ZNF730: variants seen among roughly 807,000 people sequenced by gnomAD.
The protein encoded by ZNF730 is putative zinc finger protein 730.
A neutral mutation model predicts 12.6 loss-of-function variants in ZNF730; 12 were observed. That is an observed-to-expected ratio of 0.95 (90% CI 0.61 to 1.54). The LOEUF (loss-of-function observed/expected upper bound fraction) is 1.54, where lower values mean the gene tolerates loss of function less well. ZNF730 is among the 40% of genes most tolerant of loss of function. ZNF730 has a pLI of 0.00. For synonymous variants in ZNF730, 194 were observed against 195.8 expected (o/e 0.99, Z 0.08); for missense variants, 643 against 583.5 (o/e 1.10, Z -1.05).
Position 23,118,379 on chromosome 19 carries a change from G to GT in ZNF730, c.3+1210dup, listed in dbSNP as rs1456805364. ...AGTTTGTTTTTTGTTTTTTTTTTTT[G>GT]TTTTTTTAATTTTTATGGGATGATG... On this transcript the variant is annotated intron_variant, in intron 1 of 3. Transcript: ENST00000597761. Among the ~76,000 whole-genome samples, 34 of 121,042 alleles carry GT rather than the reference G, an allele frequency of 2.8e-4. No individual in the cohort carries two copies. In the South Asian group the frequency reaches 5.3e-3, roughly 19 times the overall value. The allele number at this position is 121,042 out of a possible 152,430, so 79.4% of individuals were successfully genotyped here.
chr19:23,114,170 T>C (rs1970486820), upstream of ZNF730, among the ~76,000 whole-genome samples: 1 of 152,212 alleles, frequency 6.6e-6, no homozygotes, highest in Non-Finnish European at 1.5e-5. Context: ...CATAAATCTT[T>C]CACCATCATG....
upstream of ZNF730, among the ~76,000 whole-genome samples, chr19:23,115,545 C>T (rs1194290550): frequency 6.6e-6 from 1 of 152,144 alleles, no homozygotes; most frequent in East Asian, 1.9e-4. Context: ...GGCCTAGGCT[C>T]AAATGGTCTT....
Position 23,145,313 on chromosome 19 carries a change from G to T in ZNF730, c.269G>T (p.Gly90Val), listed in dbSNP as rs760616927. The change falls in exon 4 of 4, where the codon GGC becomes GTC. Residue 90 changes from glycine to valine, a missense_variant. Coordinates refer to ENST00000597761, the MANE Select transcript of ZNF730 (RefSeq NM_001277403.2). ...GCCCAAGACCTTTGGCCAGAGCAAG[G>T]CATAAAAGATTATTTCCAAGAAGTC... Reference protein sequence around the residue: ...HIAQDLWPEQGIKDYFQEVIL... With the variant: ...HIAQDLWPEQVIKDYFQEVIL... The T allele has an allele frequency of 5.7e-6, 9 of 1,584,236 alleles. No individual in the cohort carries two copies. Among genetic ancestry groups the T allele is most frequent in the East Asian group, 2.2e-5 (1 of 44,458 alleles).
At chr19:23,089,757 G>C in intron 1 of ZNF730, among the ~76,000 whole-genome samples, 1 of 152,082 alleles carries the variant, frequency 6.6e-6, no homozygotes, top group Non-Finnish European at 1.5e-5. Flanking sequence ...CAGTAAATTG[G>C]TACCAGTAGA....
chr19:23,095,609 G>GT, intron 1 of ZNF730: 1 of 394,396 alleles, frequency 2.5e-6, no homozygotes. Flanking sequence ...TCATTCTTTA[G>GT]TTTTGGCACT....
At chr19:23,087,497 GGAGCTTATGGGCT>G (rs1247785734) in intron 1 of ZNF730, among the ~76,000 whole-genome samples, 3 of 152,162 alleles carry the variant, frequency 2.0e-5, no homozygotes, top group Admixed American at 2.0e-4. Flanking sequence ...ATCAGCTTAA[GGAGCTTATGGGCT>G]GAGATTATGG....
chr19:23,105,118 CT>C (rs1007819236), intron 1 of ZNF730, among the ~76,000 whole-genome samples: 125 of 87,656 alleles, frequency 1.4e-3, no homozygotes, highest in Middle Eastern at 6.2e-3. Context: ...TTTTTCTTTT[CT>C]TTTTTTTTTT....
chr19:23,145,647 C>T lies in ZNF730; in HGVS notation c.603C>T (p.Tyr201=), dbSNP rs1357995869. The T allele has an allele frequency of 8.4e-6, 13 of 1,553,392 alleles. No homozygotes were observed. The highest frequency in any genetic ancestry group is 2.7e-5 in the African/African-American group (2 of 72,856). The change falls in exon 4 of 4, where the codon TAC becomes TAT. Residue 201 remains tyrosine, a synonymous_variant. Transcript: ENST00000597761. ...AAATTCATACTGGAGAGAAATCCTA[C>T]AAATGTGAAGAATATGGCAAAGCCT... is the stretch of plus-strand genomic sequence containing the variant. ...HKKIHTGEKS[Y]KCEEYGKAFN...
intron 1 of ZNF730, among the ~76,000 whole-genome samples, chr19:23,089,457 C>G (rs1257320490): frequency 1.3e-5 from 2 of 151,972 alleles, no homozygotes; most frequent in Non-Finnish European, 2.9e-5. Flanking sequence ...CCAGAATTCC[C>G]ATGTGTTATG....
chr19:23,081,965 T>G (rs1189283595), intron 1 of ZNF730, among the ~76,000 whole-genome samples: 1 of 152,174 alleles, frequency 6.6e-6, no homozygotes, highest in Non-Finnish European at 1.5e-5. Flanking sequence ...AGGCTGGTCT[T>G]GAACTTCTGA....
intron 1 of ZNF730, among the ~76,000 whole-genome samples, chr19:23,125,975 G>A (rs762591604): frequency 6.6e-5 from 10 of 152,040 alleles, no homozygotes; most frequent in Non-Finnish European, 7.4e-5. Flanking sequence ...CAAGTTTAAG[G>A]CAAACATACT....
chr19:23,096,754 G>C (rs1295230142), intron 1 of ZNF730, among the ~76,000 whole-genome samples: 1 of 152,190 alleles, frequency 6.6e-6, no homozygotes, highest in Admixed American at 6.5e-5. Context: ...ATGTGACTCT[G>C]CTCTATGGAT....
At chr19:23,099,925 A>AT (rs1437451715) in intron 1 of ZNF730, 1 of 152,062 alleles carries the variant, frequency 6.6e-6, no homozygotes, top group Non-Finnish European at 1.5e-5. Flanking sequence ...GCATTGTGAC[A>AT]TATCACTGGG....
chr19:23,107,929 G>GT (rs1181246605), intron 1 of ZNF730, among the ~76,000 whole-genome samples: 1 of 152,008 alleles, frequency 6.6e-6, no homozygotes, highest in Non-Finnish European at 1.5e-5. Flanking sequence ...TTTTGTTGTT[G>GT]TTGTTTGTTT....
chr19:23,116,904 T>C, upstream of ZNF730: 4 of 641,662 alleles, frequency 6.2e-6, no homozygotes, highest in Admixed American at 3.0e-5. Context: ...TGATCACATC[T>C]GTCACTCAGG....
At chr19:23,096,756 T>C (rs991940603) in intron 1 of ZNF730, among the ~76,000 whole-genome samples, 1 of 152,210 alleles carries the variant, frequency 6.6e-6, no homozygotes, top group Non-Finnish European at 1.5e-5. Flanking sequence ...GTGACTCTGC[T>C]CTATGGATTG....
At chr19:23,095,329 C>T (rs967418575) in intron 1 of ZNF730, 1 of 398,430 alleles carries the variant, frequency 2.5e-6, no homozygotes, top group African/African-American at 2.1e-5. Flanking sequence ...GTGCCCTGTC[C>T]ATGTGGGCCA....
At chr19:23,098,037 G>C (rs1044542558) in intron 1 of ZNF730, among the ~76,000 whole-genome samples, 1 of 152,048 alleles carries the variant, frequency 6.6e-6, no homozygotes, top group African/African-American at 2.4e-5. Flanking sequence ...CTGGCTACTT[G>C]GGAGGCTGAG....
chr19:23,099,080 A>G (rs1041102007), intron 1 of ZNF730, among the ~76,000 whole-genome samples: 8 of 152,194 alleles, frequency 5.3e-5, no homozygotes, highest in East Asian at 1.9e-4. Context: ...TAGAATTACC[A>G]CTATCACACA....
Sources: gnomAD v4.1 joint callset for allele counts (sites outside exome capture counted in the v4.1 genomes callset) on GRCh38, gnomAD v4.1.1 for gene constraint, MANE v1.5 for transcripts, NCBI Gene and HGNC (gene_info 2026-07-23, HGNC 2026-07-21) for gene names.